The following CSMD1 variants were observed in gnomAD, a reference collection of about 807,000 sequenced individuals.
The protein encoded by CSMD1 is CUB and Sushi multiple domains 1.
In CSMD1, 213 loss-of-function variants were observed where a neutral mutation model predicts 417.5. The ratio of observed to expected loss-of-function variants is 0.51; its 90% CI spans 0.46 to 0.57. The LOEUF (loss-of-function observed/expected upper bound fraction) is 0.57, where lower values mean the gene tolerates loss of function less well. Among genes scored for constraint, CSMD1 ranks in the 20% least tolerant of loss-of-function variants. CSMD1 has a pLI of 0.00. For synonymous variants in CSMD1, 2,862 were observed against 1,736.8 expected (o/e 1.65, Z -16.11); for missense variants, 6,923 against 4,529.7 (o/e 1.53, Z -15.17).
At chr8:4,089,001 C>G (rs1252486190) in intron 3 of CSMD1, among the ~76,000 whole-genome samples, 1 of 152,190 alleles carries the variant, frequency 6.6e-6, no homozygotes, top group African/African-American at 2.4e-5. Flanking sequence ...GCATACAGAT[C>G]CCCTTGCTGA....
chr8:3,684,091 A>T (rs1383483426), intron 7 of CSMD1, among the ~76,000 whole-genome samples: 1 of 147,098 alleles, frequency 6.8e-6, no homozygotes, highest in Non-Finnish European at 1.5e-5. Context: ...GCAACTTTAA[A>T]TGTATAGATA....
intron 3 of CSMD1, among the ~76,000 whole-genome samples, chr8:4,123,170 T>C (rs1036710861): frequency 6.6e-6 from 1 of 152,248 alleles, no homozygotes; most frequent in African/African-American, 2.4e-5. Context: ...TGAGATGTTT[T>C]TTATAACTCG....
intron 5 of CSMD1, among the ~76,000 whole-genome samples, chr8:3,780,651 C>G (rs1346732209): frequency 6.6e-6 from 1 of 152,218 alleles, no homozygotes; most frequent in Non-Finnish European, 1.5e-5. Context: ...GGGTTGTAAT[C>G]AAGCCCCTCA....
At chr8:4,067,296 C>G (rs563318311) in intron 3 of CSMD1, among the ~76,000 whole-genome samples, 2 of 152,216 alleles carry the variant, frequency 1.3e-5, no homozygotes, top group East Asian at 3.9e-4. Context: ...TTTCAAATCT[C>G]CGCCATACTA....
intron 1 of CSMD1, among the ~76,000 whole-genome samples, chr8:4,716,750 AG>A (rs1372773987): frequency 5.3e-5 from 8 of 152,196 alleles, no homozygotes; most frequent in Non-Finnish European, 8.8e-5. Context: ...CTAAAAACTG[AG>A]GTCTAAATAA....
At chr8:3,700,060 T>C (rs954446759) in intron 7 of CSMD1, among the ~76,000 whole-genome samples, 2 of 152,198 alleles carry the variant, frequency 1.3e-5, no homozygotes, top group South Asian at 2.1e-4. Context: ...GTAGAAAATA[T>C]GCCTGTCCTC....
At chr8:4,795,691 T>G (rs1797943538) in intron 1 of CSMD1, among the ~76,000 whole-genome samples, 1 of 152,200 alleles carries the variant, frequency 6.6e-6, no homozygotes, top group South Asian at 2.1e-4. Flanking sequence ...TTCTGTGAAC[T>G]GGGATCCGCA....
chr8:3,384,744 A>G (rs1230438149), intron 18 of CSMD1, among the ~76,000 whole-genome samples: 1 of 125,004 alleles, frequency 8.0e-6, no homozygotes, highest in Admixed American at 9.8e-5. Flanking sequence ...TTATATAAAT[A>G]TATATTTATA....
intron 3 of CSMD1, among the ~76,000 whole-genome samples, chr8:4,332,936 TA>T (rs1189745949): frequency 1.7e-5 from 2 of 119,284 alleles, no homozygotes; most frequent in African/African-American, 8.5e-5. Context: ...TTTTTTCTTA[TA>T]AAAATCTAAA....
chr8:4,081,659 C>A (rs2554639), intron 3 of CSMD1, among the ~76,000 whole-genome samples: 1 of 151,980 alleles, frequency 6.6e-6, no homozygotes, highest in Non-Finnish European at 1.5e-5. Context: ...TACTATGCTA[C>A]ACAATGCAAC....
rs1029835249 is a variant in CSMD1, at chr8:3,865,232, C to T, written c.819-111190G>A. Among the ~76,000 whole-genome samples, 7 of 152,202 alleles carry T rather than the reference C, an allele frequency of 4.6e-5. No homozygotes were observed. In the East Asian group the frequency reaches 1.3e-3, roughly 29 times the overall value. On this transcript the variant is annotated intron_variant, in intron 5 of 69. Transcript: ENST00000635120. ...GACAGACATAAGTCATCATCTCTGT[C>T]CTCAACTACCAACCAAGTAGGGACA...
intron 3 of CSMD1, among the ~76,000 whole-genome samples, chr8:4,361,137 T>G (rs1047192450): frequency 2.0e-5 from 3 of 152,194 alleles, no homozygotes; most frequent in African/African-American, 7.2e-5. Context: ...ATCTCTGAGC[T>G]GAAGCTTTAT....
intron 1 of CSMD1, among the ~76,000 whole-genome samples, chr8:4,816,376 G>A (rs570770531): frequency 7.2e-5 from 11 of 151,960 alleles, no homozygotes; most frequent in Admixed American, 2.0e-4. Flanking sequence ...GTACAAAGCG[G>A]GAGATGGGGG....
At chr8:4,857,995 C>T (rs1033269964) in intron 1 of CSMD1, among the ~76,000 whole-genome samples, 2 of 152,114 alleles carry the variant, frequency 1.3e-5, no homozygotes, top group African/African-American at 4.8e-5. Flanking sequence ...CTTTGATGAA[C>T]ATTGACGCAA....
intron 1 of CSMD1, among the ~76,000 whole-genome samples, chr8:4,747,870 C>G (rs148333607): frequency 6.6e-6 from 1 of 152,196 alleles, no homozygotes; most frequent in Non-Finnish European, 1.5e-5. Flanking sequence ...TGTCATAACA[C>G]GCACCAGGAT....
At chr8:3,036,492 T>C (rs1233970782) in intron 50 of CSMD1, among the ~76,000 whole-genome samples, 1 of 152,196 alleles carries the variant, frequency 6.6e-6, no homozygotes, top group African/African-American at 2.4e-5. Flanking sequence ...TATAAAATTA[T>C]GATTAGATGT....
At position 3,343,139 on chromosome 8, in the gene CSMD1, T is replaced by C. The variant is rs79348961; in HGVS notation, c.3631+155A>G. ...TCAAGCTACTAGTAATGTGTCCGAATATACAACCAGTCAACAGAGTACAGA... is the reference window on the plus strand; with the variant it reads ...TCAAGCTACTAGTAATGTGTCCGAACATACAACCAGTCAACAGAGTACAGA... On this transcript the variant is annotated intron_variant, in intron 23 of 69. Coordinates refer to ENST00000635120, the MANE Select transcript of CSMD1 (RefSeq NM_033225.6). 0.067 allele frequency among the ~76,000 whole-genome samples: 10,129 copies of C among 152,224 alleles called. 625 individuals are homozygous for C. Among genetic ancestry groups the C allele is most frequent in the East Asian group, 0.25 (1,313 of 5,172 alleles).
chr8:3,857,101 G>C (rs1019867172), intron 5 of CSMD1, among the ~76,000 whole-genome samples: 2 of 152,046 alleles, frequency 1.3e-5, no homozygotes, highest in Non-Finnish European at 2.9e-5. Flanking sequence ...CTAAGACACA[G>C]CTCTTTAGTC....
intron 5 of CSMD1, among the ~76,000 whole-genome samples, chr8:3,967,884 T>C (rs953281785): frequency 1.3e-5 from 2 of 151,536 alleles, no homozygotes; most frequent in African/African-American, 2.4e-5. Flanking sequence ...TGTGCCACAA[T>C]TGGCCGGGCG....
Sources: gnomAD v4.1 joint callset for allele counts (sites outside exome capture counted in the v4.1 genomes callset) on GRCh38, gnomAD v4.1.1 for gene constraint, MANE v1.5 for transcripts, NCBI Gene and HGNC (gene_info 2026-07-23, HGNC 2026-07-21) for gene names.